Variants in MYCT1 observed in about 807,000 individuals in gnomAD.
MYCT1 encodes the protein MYC target 1.
In MYCT1, 12 loss-of-function variants were observed where a neutral mutation model predicts 15.0. The observed-to-expected ratio is 0.80, with a 90% CI of 0.51 to 1.29. The LOEUF is 1.29. Among genes scored for constraint, MYCT1 ranks in the 50% most tolerant of loss-of-function variants. The pLI, the probability that MYCT1 is intolerant of heterozygous loss-of-function variation, is 0.00. For missense variants in MYCT1, 287 were observed against 279.1 expected (o/e 1.03, Z -0.20); for synonymous variants, 104 against 102.7 (o/e 1.01, Z -0.07).
chr6:152,703,562 T>C (rs1434247835), intron 1 of MYCT1, among the ~76,000 whole-genome samples: 1 of 151,438 alleles, frequency 6.6e-6, no homozygotes, highest in Non-Finnish European at 1.5e-5. Context: ...CCCTAATTAC[T>C]TTAGTATGCA....
the MYCT1 span, among the ~76,000 whole-genome samples, chr6:152,738,251 ATATAT>A: frequency 1.1e-4 from 16 of 152,272 alleles, no homozygotes; most frequent in Non-Finnish European, 1.5e-4. Flanking sequence ...TGCTTTGAAC[ATATAT>A]TATAGACATA....
chr6:152,730,282 T>C, the MYCT1 span, among the ~76,000 whole-genome samples: 1 of 152,264 alleles, frequency 6.6e-6, no homozygotes, highest in East Asian at 1.9e-4. Flanking sequence ...AGACGGAAAG[T>C]CCAAATCTGG....
chr6:152,735,332 G>A, the MYCT1 span, among the ~76,000 whole-genome samples: 36 of 152,064 alleles, frequency 2.4e-4, no homozygotes, highest in Non-Finnish European at 5.0e-4. Context: ...ATGCATATTG[G>A]TTTGAATTGG....
intron 1 of MYCT1, among the ~76,000 whole-genome samples, chr6:152,707,914 T>C (rs1190043230): frequency 2.6e-5 from 4 of 152,084 alleles, no homozygotes; most frequent in East Asian, 3.9e-4. Flanking sequence ...TTGTAGTATA[T>C]TTTAAAATCA....
At chr6:152,742,575 C>T in the MYCT1 span, among the ~76,000 whole-genome samples, 1 of 152,082 alleles carries the variant, frequency 6.6e-6, no homozygotes. Context: ...GGGAAGATCA[C>T]TTTAGCAGCA....
Position 152,722,540 on chromosome 6 carries a change from C to T in MYCT1, c.*287C>T, listed in dbSNP as rs1430878317. On this transcript the variant is annotated 3_prime_UTR_variant, in exon 2 of 2. Transcript: ENST00000367245. Reference sequence around the variant, plus strand: ...ATAGTGATTCTAATGTAAGAATCAGCTAAGATGCATTATATATATTTTAAT... The same window carrying T: ...ATAGTGATTCTAATGTAAGAATCAGTTAAGATGCATTATATATATTTTAAT... 1 of 315,274 alleles carries T rather than the reference C, an allele frequency of 3.2e-6. No homozygotes were observed. The highest frequency in any genetic ancestry group is 2.2e-5 in the African/African-American group (1 of 46,266). The allele number at this position is 315,274 out of a possible 1,614,324, so 19.5% of individuals were successfully genotyped here. A position where few individuals can be genotyped will look rare whatever the true frequency, so the allele number is the denominator to read the frequency against.
chr6:152,698,188 C>T (rs2099720736), intron 1 of MYCT1, 90 bp downstream of exon 1: 2 of 735,478 alleles, frequency 2.7e-6, no homozygotes, highest in South Asian at 2.8e-5. Flanking sequence ...ATCTCTGAGA[C>T]ATTTTGTTTA....
At chr6:152,728,030 G>T (rs2099725952), downstream of MYCT1, among the ~76,000 whole-genome samples, 1 of 152,098 alleles carries the variant, frequency 6.6e-6, no homozygotes, top group Non-Finnish European at 1.5e-5. Flanking sequence ...CAGGCGTGGT[G>T]GTGTGGGCCT....
At chr6:152,719,009 G>T (rs1202099062) in intron 1 of MYCT1, among the ~76,000 whole-genome samples, 1 of 151,880 alleles carries the variant, frequency 6.6e-6, no homozygotes, top group African/African-American at 2.4e-5. Context: ...ACCGATACTT[G>T]CCAATCAATT....
At chr6:152,729,975 A>G in the MYCT1 span, among the ~76,000 whole-genome samples, 1 of 152,248 alleles carries the variant, frequency 6.6e-6, no homozygotes, top group Non-Finnish European at 1.5e-5. Context: ...CAACATGGAA[A>G]GAAAGGAATT....
chr6:152,713,368 T>C (rs937382151), intron 1 of MYCT1, among the ~76,000 whole-genome samples: 15 of 152,182 alleles, frequency 9.9e-5, no homozygotes, highest in Non-Finnish European at 1.8e-4. Context: ...CTGCTAATTA[T>C]GTCTGGATCA....
At chr6:152,701,147 G>C (rs1196707096) in intron 1 of MYCT1, among the ~76,000 whole-genome samples, 1 of 152,136 alleles carries the variant, frequency 6.6e-6, no homozygotes. Context: ...TTTCAGACAG[G>C]GAGATAATTC....
At chr6:152,700,564 G>C (rs758423118) in intron 1 of MYCT1, among the ~76,000 whole-genome samples, 6 of 152,048 alleles carry the variant, frequency 3.9e-5, no homozygotes, top group Admixed American at 2.0e-4. Context: ...TAAGTGCAAG[G>C]GTTGGCAACA....
intron 1 of MYCT1, among the ~76,000 whole-genome samples, chr6:152,706,410 C>A (rs181668457): frequency 7.8e-4 from 119 of 152,286 alleles, no homozygotes; most frequent in African/African-American, 2.7e-3. Flanking sequence ...GTACAATGTA[C>A]TGCTTTCAAC....
rs2099720753 is a variant in MYCT1 at position 152,698,267 on chromosome 6, A to G, written c.196+169A>G. Among the ~76,000 whole-genome samples, 3 of 151,654 alleles carry G rather than the reference A, an allele frequency of 2.0e-5. No homozygotes were observed. In the Middle Eastern group the frequency reaches 0.01, roughly 523 times the overall value. ...TCTATTTCATACGTTTATTAGCAGA[A>G]ATATATTTATAGATATAAATATATA... On this transcript the variant is annotated intron_variant, in intron 1 of 1. Transcript: ENST00000367245.
chr6:152,703,948 TTA>T (rs1012916658), intron 1 of MYCT1, among the ~76,000 whole-genome samples: 6 of 20,210 alleles, frequency 3.0e-4, no homozygotes, highest in African/African-American at 7.6e-4. Context: ...GTTTTTTATT[TTA>T]TTTTATTTTA....
At chr6:152,730,468 T>C in the MYCT1 span, among the ~76,000 whole-genome samples, 33 of 152,240 alleles carry the variant, frequency 2.2e-4, no homozygotes, top group African/African-American at 8.0e-4. Flanking sequence ...TATCAAGTTT[T>C]CCCTTTTTAA....
At chr6:152,733,239 G>T in the MYCT1 span, among the ~76,000 whole-genome samples, 1 of 151,992 alleles carries the variant, frequency 6.6e-6, no homozygotes, top group East Asian at 1.9e-4. Context: ...GAGAGGCTGG[G>T]ATGACAGACG....
At chr6:152,705,899 C>T (rs763726531) in intron 1 of MYCT1, 43 of 753,772 alleles carry the variant, frequency 5.7e-5, no homozygotes, top group Non-Finnish European at 9.1e-5. Context: ...TGCAAAGTTC[C>T]TCAGAAGTTG....
Sources: gnomAD v4.1 joint callset for allele counts (sites outside exome capture counted in the v4.1 genomes callset) on GRCh38, gnomAD v4.1.1 for gene constraint, MANE v1.5 for transcripts, NCBI Gene and HGNC (gene_info 2026-07-23, HGNC 2026-07-21) for gene names.